Variants in TNS3 observed in about 807,000 individuals in gnomAD.
The protein encoded by TNS3 is tensin 3.
A neutral mutation model predicts 140.9 loss-of-function variants in TNS3; 45 were observed. That is an observed-to-expected ratio of 0.32 (90% confidence interval 0.25 to 0.41). The LOEUF (loss-of-function observed/expected upper bound fraction) is 0.41, where lower values mean the gene tolerates loss of function less well. TNS3 is among the 10% of genes least tolerant of loss of function. The pLI is 1.00. For synonymous variants in TNS3, 815 were observed against 788.4 expected (o/e 1.03, Z -0.56); for missense variants, 1,716 against 1,906.7 (o/e 0.90, Z 1.86).
At chr7:47,554,311 G>A (rs373178227) in intron 1 of TNS3, among the ~76,000 whole-genome samples, 3 of 151,332 alleles carry the variant, frequency 2.0e-5, no homozygotes, top group East Asian at 2.0e-4. Flanking sequence ...CCAGCTACTC[G>A]GGAGGCCGAG....
chr7:47,354,778 A>G (rs1789891355), intron 17 of TNS3, among the ~76,000 whole-genome samples: 2 of 152,158 alleles, frequency 1.3e-5, no homozygotes, highest in South Asian at 2.1e-4. Flanking sequence ...AGGGACAGGC[A>G]GTGGCTTTTT....
At chr7:47,551,463 C>T (rs568090527) in intron 1 of TNS3, among the ~76,000 whole-genome samples, 73 of 152,250 alleles carry the variant, frequency 4.8e-4, no homozygotes, top group African/African-American at 1.2e-3. Flanking sequence ...CCACCTCAGG[C>T]CAAAGGGAAG....
At chr7:47,497,063 G>A (rs1798040152) in intron 3 of TNS3, among the ~76,000 whole-genome samples, 1 of 152,150 alleles carries the variant, frequency 6.6e-6, no homozygotes, top group Non-Finnish European at 1.5e-5. Flanking sequence ...CTCAGGCTAA[G>A]TCTGAGGCAC....
intron 4 of TNS3, among the ~76,000 whole-genome samples, chr7:47,475,763 G>T (rs1347183341): frequency 2.0e-5 from 3 of 152,238 alleles, no homozygotes; most frequent in Non-Finnish European, 2.9e-5. Context: ...ATCAAAAGCT[G>T]TGGGGCCACC....
intron 1 of TNS3, among the ~76,000 whole-genome samples, chr7:47,564,327 A>G (rs1800379863): frequency 6.6e-6 from 1 of 151,864 alleles, no homozygotes; most frequent in Admixed American, 6.6e-5. Context: ...TTCTGCTCCA[A>G]GCTGCCTTCA....
chr7:47,483,691 A>G (rs1269788752), intron 3 of TNS3, among the ~76,000 whole-genome samples: 1 of 152,228 alleles, frequency 6.6e-6, no homozygotes, highest in African/African-American at 2.4e-5. Flanking sequence ...GATGGGGTGC[A>G]ATAACGGCCC....
At chr7:47,443,889 C>T (rs1031270185) in intron 4 of TNS3, among the ~76,000 whole-genome samples, 2 of 152,130 alleles carry the variant, frequency 1.3e-5, no homozygotes, top group South Asian at 4.1e-4. Context: ...CCACTGCACT[C>T]CAGCCTGGGC....
chr7:47,431,518 G>C (rs1438556636), intron 8 of TNS3, among the ~76,000 whole-genome samples: 2 of 152,134 alleles, frequency 1.3e-5, no homozygotes, highest in African/African-American at 2.4e-5. Context: ...ACTTGAACCT[G>C]GGAGTTGGAG....
At chr7:47,311,449 T>C (rs1255112382) in intron 20 of TNS3, among the ~76,000 whole-genome samples, 1 of 151,498 alleles carries the variant, frequency 6.6e-6, no homozygotes, top group East Asian at 1.9e-4. Context: ...TATACATATA[T>C]ATATAGAGAG....
intron 10 of TNS3, among the ~76,000 whole-genome samples, chr7:47,415,891 G>T (rs964914318): frequency 6.6e-6 from 1 of 152,232 alleles, no homozygotes; most frequent in Admixed American, 6.5e-5. Context: ...CAAGAGGGAA[G>T]CTTCTACACT....
chr7:47,372,050 A>T (rs992964126), intron 16 of TNS3, among the ~76,000 whole-genome samples: 21 of 152,272 alleles, frequency 1.4e-4, no homozygotes, highest in Middle Eastern at 3.2e-3. Context: ...GTTACCAGGA[A>T]AATTTAACAA....
chr7:47,571,800 G>A (rs1448693929), intron 1 of TNS3, among the ~76,000 whole-genome samples: 1 of 152,324 alleles, frequency 6.6e-6, no homozygotes, highest in Admixed American at 6.5e-5. Flanking sequence ...GGCCAAGGTC[G>A]GCATTAAGCG....
intron 1 of TNS3, among the ~76,000 whole-genome samples, chr7:47,540,409 C>T (rs998779634): frequency 2.0e-5 from 3 of 152,164 alleles, no homozygotes; most frequent in East Asian, 1.9e-4. Flanking sequence ...ATGAGCCCCT[C>T]CATGAGTCAG....
In TNS3 at chr7:47,428,349, T is replaced by G; in HGVS notation, c.352A>C (p.Ile118Leu). The change falls in exon 9 of 31, where the codon ATA becomes CTA. Residue 118 changes from isoleucine to leucine, a missense_variant. Physicochemically the swap from Ile to Leu is conservative, Grantham distance 5. Transcript: ENST00000311160. The part of the protein sequence containing the change: ...RGGKGRIGVV[I>L]SSYMHFTNVS... ...TTGGTGAAATGCATGTAGGATGATA[T>G]GACCACTCCTATGCGTCCTTTCCCG... 1 of 1,454,446 alleles carries G rather than the reference T, an allele frequency of 6.9e-7. No individual in the cohort carries two copies. The highest frequency in any genetic ancestry group is 2.7e-5 in the East Asian group (1 of 37,316). The allele number at this position is 1,454,446 out of a possible 1,614,324, so 90.1% of individuals were successfully genotyped here.
intron 2 of TNS3, 115 bp from the exon 3 acceptor site, chr7:47,507,059 G>A (rs1798445067): frequency 1.2e-6 from 1 of 861,286 alleles, no homozygotes; most frequent in African/African-American, 1.8e-5. Context: ...TCCCATAGGT[G>A]GCCTCTCTCT....
chr7:47,332,419 C>A (rs2069494238), intron 20 of TNS3, among the ~76,000 whole-genome samples: 1 of 152,214 alleles, frequency 6.6e-6, no homozygotes, highest in African/African-American at 2.4e-5. Context: ...CTGGGCTGAA[C>A]TGCCTTTTCC....
intron 1 of TNS3, among the ~76,000 whole-genome samples, chr7:47,549,493 C>CA (rs541985972): frequency 4.7e-5 from 7 of 148,674 alleles, no homozygotes; most frequent in Non-Finnish European, 9.0e-5. Flanking sequence ...AACTCCATCT[C>CA]AAAAAAAAAA....
intron 1 of TNS3, among the ~76,000 whole-genome samples, chr7:47,534,585 C>A (rs552566579): frequency 6.6e-6 from 1 of 152,168 alleles, no homozygotes; most frequent in African/African-American, 2.4e-5. Context: ...TCAAACCCCC[C>A]ACCCCAGCTC....
intron 2 of TNS3, among the ~76,000 whole-genome samples, chr7:47,526,105 C>G (rs1799182889): frequency 6.6e-6 from 1 of 152,264 alleles, no homozygotes; most frequent in African/African-American, 2.4e-5. Flanking sequence ...AAGCTCTTCT[C>G]TTTCGTTGGT....
Sources: gnomAD v4.1 joint callset for allele counts (sites outside exome capture counted in the v4.1 genomes callset) on GRCh38, gnomAD v4.1.1 for gene constraint, MANE v1.5 for transcripts, NCBI Gene and HGNC (gene_info 2026-07-23, HGNC 2026-07-21) for gene names.